Variants in FLI1 observed in about 807,000 individuals in gnomAD.
FLI1 encodes the protein Friend leukemia integration 1 transcription factor.
In FLI1, 13 loss-of-function variants were observed where a neutral mutation model predicts 53.1. The observed-to-expected ratio is 0.24, with a 90% CI of 0.16 to 0.39. FLI1 has a LOEUF of 0.39. FLI1 is among the 10% of genes least tolerant of loss of function. The probability of loss-of-function intolerance (pLI) is 1.00; values close to 1 mark genes in which losing one functional copy is unlikely to be tolerated. For missense variants in FLI1, 424 were observed against 600.5 expected (o/e 0.71, Z 3.07); for synonymous variants, 244 against 236.7 (o/e 1.03, Z -0.28).
At chr11:128,686,622 C>G (rs1865808569) in exon 1 of FLI1, 1 of 381,398 alleles carries the variant, frequency 2.6e-6, no homozygotes. Context: ...TTCTCCCTCC[C>G]AGGCTGGTTC....
At chr11:128,756,465 A>G (rs1430422371) in intron 1 of FLI1, among the ~76,000 whole-genome samples, 2 of 152,146 alleles carry the variant, frequency 1.3e-5, no homozygotes, top group Non-Finnish European at 2.9e-5. Context: ...CCTATCTCCA[A>G]ATACAATCAC....
rs552203685 is a variant in FLI1 at position 128,812,013 on chromosome 11, T to C, written c.*1025T>C. On this transcript the variant is annotated 3_prime_UTR_variant, in exon 9 of 9. Transcript: ENST00000527786. ...TTTCAATCTGTACATTTGGGCTGTC[T>C]GTATGTTTTTATAGCTGGTTTTTAA... 3.3e-4 allele frequency: 67 copies of C among 205,530 alleles called. 2 individuals carry two copies. The South Asian group carries it at 0.012, about 38-fold the overall frequency. The allele number at this position is 205,530 out of a possible 1,614,324, so 12.7% of individuals were successfully genotyped here.
At chr11:128,694,540 G>T (rs1292560680) in intron 1 of FLI1, among the ~76,000 whole-genome samples, 1 of 130 alleles carries the variant, frequency 7.7e-3, no homozygotes, top group African/African-American at 0.12. Flanking sequence ...CTCGCTGCCC[G>T]CCGGGGCTGC....
At chr11:128,755,367 C>T (rs1345923771) in intron 1 of FLI1, among the ~76,000 whole-genome samples, 7 of 152,224 alleles carry the variant, frequency 4.6e-5, no homozygotes, top group African/African-American at 1.4e-4. Context: ...GCAGAAGATG[C>T]TACCTGATTC....
At chr11:128,710,916 T>C (rs1219525729) in intron 1 of FLI1, among the ~76,000 whole-genome samples, 1 of 152,204 alleles carries the variant, frequency 6.6e-6, no homozygotes, top group Non-Finnish European at 1.5e-5. Context: ...GGAGAAGAGA[T>C]TTGGGAAACT....
intron 1 of FLI1, among the ~76,000 whole-genome samples, chr11:128,698,733 T>TGTGTGA (rs766077047): frequency 9.7e-5 from 13 of 133,728 alleles, no homozygotes; most frequent in South Asian, 4.8e-4. Flanking sequence ...TGTGTGTGTG[T>TGTGTGA]GAGAGAGAGA....
chr11:128,737,378 C>A (rs562174815), intron 1 of FLI1, among the ~76,000 whole-genome samples: 2 of 152,268 alleles, frequency 1.3e-5, no homozygotes, highest in East Asian at 3.9e-4. Flanking sequence ...ATGGGGCATG[C>A]GTCTCCCATC....
chr11:128,713,699 G>A (rs1938887287), intron 1 of FLI1, among the ~76,000 whole-genome samples: 1 of 152,146 alleles, frequency 6.6e-6, no homozygotes, highest in Non-Finnish European at 1.5e-5. Flanking sequence ...CCTCGGGAGG[G>A]CACAACGTGG....
intron 5 of FLI1, 119 bp downstream of exon 5, chr11:128,782,142 T>C (rs1941935001): frequency 4.6e-6 from 4 of 873,662 alleles, no homozygotes; most frequent in Non-Finnish European, 5.3e-6. Context: ...TTTCCTAGCA[T>C]ACAAAGACAA....
intron 1 of FLI1, among the ~76,000 whole-genome samples, chr11:128,733,420 A>G (rs1399612329): frequency 6.6e-6 from 1 of 152,066 alleles, no homozygotes; most frequent in Non-Finnish European, 1.5e-5. Flanking sequence ...GGTGTCCCGG[A>G]AGCATCTCAG....
chr11:128,689,685 C>T (rs1418305098), upstream of FLI1, among the ~76,000 whole-genome samples: 3 of 152,200 alleles, frequency 2.0e-5, no homozygotes, highest in African/African-American at 7.2e-5. Flanking sequence ...CACCTTGGCC[C>T]CATCCCAACG....
chr11:128,788,654 A>G (rs1056600475), intron 5 of FLI1, among the ~76,000 whole-genome samples: 2 of 152,230 alleles, frequency 1.3e-5, no homozygotes, highest in Non-Finnish European at 2.9e-5. Flanking sequence ...CTTATAGAAC[A>G]GGAGAGATCT....
At chr11:128,763,136 G>A (rs1941190966) in intron 2 of FLI1, among the ~76,000 whole-genome samples, 1 of 152,160 alleles carries the variant, frequency 6.6e-6, no homozygotes, top group Admixed American at 6.5e-5. Context: ...TGGCATTTGT[G>A]TCTCTGGTGG....
At chr11:128,720,772 G>A (rs966743542) in intron 1 of FLI1, among the ~76,000 whole-genome samples, 2 of 152,192 alleles carry the variant, frequency 1.3e-5, no homozygotes, top group African/African-American at 4.8e-5. Context: ...AGTGACTCCC[G>A]CGTCTCCAAG....
chr11:128,691,319 G>A (rs749066759), upstream of FLI1, among the ~76,000 whole-genome samples: 2 of 152,214 alleles, frequency 1.3e-5, no homozygotes, highest in Admixed American at 6.5e-5. Context: ...AGCAGTAGCA[G>A]TGGAGTTGAC....
chr11:128,722,128 C>T (rs146643370), intron 1 of FLI1, among the ~76,000 whole-genome samples: 30 of 152,302 alleles, frequency 2.0e-4, no homozygotes, highest in Non-Finnish European at 3.5e-4. Context: ...CTCCTTTGAA[C>T]GTCCAGGAGG....
intron 3 of FLI1, among the ~76,000 whole-genome samples, 161 bp from the exon 4 acceptor site, chr11:128,772,621 G>A (rs1228586739): frequency 6.6e-6 from 1 of 152,230 alleles, no homozygotes; most frequent in Non-Finnish European, 1.5e-5. Context: ...CAGATGCCAT[G>A]GAGCCTGATG....
At chr11:128,787,128 A>T (rs1435756613) in intron 5 of FLI1, among the ~76,000 whole-genome samples, 3 of 152,188 alleles carry the variant, frequency 2.0e-5, no homozygotes, top group Non-Finnish European at 4.4e-5. Flanking sequence ...GCCCATGTTA[A>T]CGAGAGGCTG....
intron 2 of FLI1, among the ~76,000 whole-genome samples, chr11:128,764,215 C>T (rs1941242450): frequency 6.6e-6 from 1 of 152,218 alleles, no homozygotes; most frequent in Admixed American, 6.5e-5. Context: ...AATCTCCCTT[C>T]ATCCAAACAC....
Sources: allele counts gnomAD v4.1 joint callset (sites outside exome capture counted in the v4.1 genomes callset), GRCh38; gene constraint gnomAD v4.1.1; transcripts MANE v1.5; gene names NCBI Gene and HGNC (gene_info 2026-07-23, HGNC 2026-07-21).